CFAP263: variants seen among roughly 807,000 people sequenced by gnomAD.
The protein encoded by CFAP263 is cilia- and flagella-associated protein 263.
At chr16:58,280,669 C>G in the CFAP263 span, 3 of 1,614,000 alleles carry the variant, frequency 1.9e-6, no homozygotes, top group Admixed American at 1.7e-5. Flanking sequence ...CAGGCCAGGG[C>G]ACGTCTCACC....
chr16:58,263,693 G>A, the CFAP263 span, among the ~76,000 whole-genome samples: 1 of 152,210 alleles, frequency 6.6e-6, no homozygotes, highest in Non-Finnish European at 1.5e-5. Context: ...AAGATGCAAA[G>A]TAGACAGGGT....
the CFAP263 span, chr16:58,250,054 C>A: frequency 6.2e-7 from 1 of 1,600,412 alleles, no homozygotes; most frequent in East Asian, 2.3e-5. Flanking sequence ...CTCCGACTCC[C>A]ATGAAGGGTC....
the CFAP263 span, chr16:58,259,902 C>A: frequency 1.9e-6 from 3 of 1,604,214 alleles, no homozygotes; most frequent in Non-Finnish European, 2.6e-6. Flanking sequence ...TCTCAAAGTT[C>A]AGAGGAAAAA....
At chr16:58,250,040 T>C in the CFAP263 span, 8 of 1,596,652 alleles carry the variant, frequency 5.0e-6, no homozygotes, top group African/African-American at 1.1e-4. Context: ...TCCGAGAGCG[T>C]CCTCTCCGAC....
the CFAP263 span, among the ~76,000 whole-genome samples, chr16:58,262,804 T>C: frequency 2.6e-5 from 4 of 151,304 alleles, no homozygotes; most frequent in East Asian, 1.9e-4. Flanking sequence ...GATAGATAGA[T>C]AGACAGATGC....
the CFAP263 span, chr16:58,252,847 T>C: frequency 6.2e-7 from 1 of 1,613,910 alleles, no homozygotes; most frequent in Non-Finnish European, 8.5e-7. Flanking sequence ...CAGCAGATTA[T>C]GCACAGGTAC....
chr16:58,254,246 T>C, the CFAP263 span: 1 of 1,414,712 alleles, frequency 7.1e-7, no homozygotes. Flanking sequence ...TTCATGTGAT[T>C]GTTGGGGCTT....
chr16:58,264,022 C>T, the CFAP263 span, among the ~76,000 whole-genome samples: 1 of 152,162 alleles, frequency 6.6e-6, no homozygotes, highest in Admixed American at 6.5e-5. Flanking sequence ...ATGCATCCCA[C>T]CTAACTCAGT....
At chr16:58,280,875 G>A in the CFAP263 span, 1 of 920,732 alleles carries the variant, frequency 1.1e-6, no homozygotes, top group Non-Finnish European at 1.6e-6. Flanking sequence ...CACTGGAAAT[G>A]GGGCAAATTA....
chr16:58,263,493 G>A, the CFAP263 span, among the ~76,000 whole-genome samples: 1 of 152,096 alleles, frequency 6.6e-6, no homozygotes, highest in African/African-American at 2.4e-5. Flanking sequence ...TTTACTATCT[G>A]GTCCTTTACA....
At chr16:58,261,295 G>A in the CFAP263 span, among the ~76,000 whole-genome samples, 2 of 152,160 alleles carry the variant, frequency 1.3e-5, no homozygotes, top group African/African-American at 4.8e-5. Context: ...TGAGTTCAGC[G>A]CAAGAAAAAA....
the CFAP263 span, among the ~76,000 whole-genome samples, chr16:58,254,344 C>G: frequency 6.6e-6 from 1 of 152,230 alleles, no homozygotes; most frequent in African/African-American, 2.4e-5. Context: ...CATTTTTGAA[C>G]ATTTTTTTAA....
chr16:58,274,306 A>G, the CFAP263 span, among the ~76,000 whole-genome samples: 1 of 152,124 alleles, frequency 6.6e-6, no homozygotes, highest in Admixed American at 6.6e-5. Context: ...AGCCTCCTCT[A>G]AATTGCTTAC....
the CFAP263 span, chr16:58,252,740 G>A: frequency 8.1e-6 from 13 of 1,613,170 alleles, no homozygotes; most frequent in Non-Finnish European, 1.1e-5. Context: ...TGTAAACTCT[G>A]CTCTCAAAAC....
the CFAP263 span, among the ~76,000 whole-genome samples, chr16:58,262,733 AAAAC>A: frequency 1.7e-3 from 219 of 127,416 alleles, no homozygotes; most frequent in African/African-American, 6.3e-3. Context: ...TTTTCTTTAA[AAAAC>A]AAACAAACAT....
chr16:58,253,558 C>T, the CFAP263 span, among the ~76,000 whole-genome samples: 4 of 152,102 alleles, frequency 2.6e-5, no homozygotes, highest in Non-Finnish European at 4.4e-5. Flanking sequence ...CTGGACCACC[C>T]GCTTCTGACC....
chr16:58,281,943 A>T, the CFAP263 span: 2 of 152,022 alleles, frequency 1.3e-5, no homozygotes, highest in Non-Finnish European at 2.9e-5. Context: ...CTGGGATTCA[A>T]GCAATTCTCC....
At chr16:58,254,230 A>T in the CFAP263 span, 22 of 1,519,116 alleles carry the variant, frequency 1.4e-5, no homozygotes, top group Non-Finnish European at 2.0e-5. Context: ...AGGTATCTAG[A>T]GTGGGTTCAT....
the CFAP263 span, chr16:58,281,405 C>T: frequency 6.5e-6 from 1 of 152,716 alleles, no homozygotes; most frequent in Non-Finnish European, 1.5e-5. Flanking sequence ...CAGTGCCTGG[C>T]ACACAGCAAA....
Sources: allele counts gnomAD v4.1 joint callset (sites outside exome capture counted in the v4.1 genomes callset), GRCh38; gene constraint gnomAD v4.1.1; transcripts MANE v1.5; gene names NCBI Gene and HGNC (gene_info 2026-07-23, HGNC 2026-07-21).